Variants in MTUS2 observed in about 807,000 individuals in gnomAD.
MTUS2 encodes microtubule associated scaffold protein 2.
In MTUS2, 40 loss-of-function variants were observed where a neutral mutation model predicts 114.1. The ratio of observed to expected loss-of-function variants is 0.35; its 90% confidence interval spans 0.27 to 0.46. The LOEUF (loss-of-function observed/expected upper bound fraction) is 0.46. Ranked by LOEUF, MTUS2 falls within the 20% of genes least tolerant of loss-of-function variation. The probability of loss-of-function intolerance (pLI) is 1.00; values close to 1 mark genes in which losing one functional copy is unlikely to be tolerated. For synonymous variants in MTUS2, 688 were observed against 672.0 expected (o/e 1.02, Z -0.37); for missense variants, 1,679 against 1,705.4 (o/e 0.98, Z 0.27).
intron 2 of MTUS2, among the ~76,000 whole-genome samples, chr13:28,962,337 C>A (rs1353576151): frequency 1.3e-5 from 2 of 152,046 alleles, no homozygotes; most frequent in Non-Finnish European, 1.5e-5. Flanking sequence ...TTGATATTTC[C>A]CATATTATAA....
chr13:29,054,900 G>C (rs1888061611), intron 4 of MTUS2, among the ~76,000 whole-genome samples: 1 of 151,888 alleles, frequency 6.6e-6, no homozygotes, highest in Non-Finnish European at 1.5e-5. Flanking sequence ...ATACTCTTCT[G>C]TTGATTTTTG....
chr13:28,958,289 G>A (rs753910914), intron 2 of MTUS2, among the ~76,000 whole-genome samples: 2 of 152,184 alleles, frequency 1.3e-5, no homozygotes, highest in African/African-American at 4.8e-5. Context: ...TGTACTTGGC[G>A]TGGGCTGCCT....
intron 2 of MTUS2, among the ~76,000 whole-genome samples, chr13:28,925,478 T>C (rs143623235): frequency 1.6e-3 from 242 of 152,348 alleles, no homozygotes; most frequent in African/African-American, 5.3e-3. Context: ...TAGCTACTTT[T>C]AAGCAGTTTA....
intron 7 of MTUS2, among the ~76,000 whole-genome samples, chr13:29,350,643 C>T (rs571155566): frequency 2.0e-5 from 3 of 151,768 alleles, no homozygotes; most frequent in East Asian, 1.9e-4. Context: ...TGTTTTAGTC[C>T]GCTTGGGCTG....
intron 5 of MTUS2, among the ~76,000 whole-genome samples, chr13:29,107,672 C>T (rs138537869): frequency 1.4e-4 from 22 of 152,100 alleles, no homozygotes; most frequent in African/African-American, 5.3e-4. Flanking sequence ...TATCCAGTAA[C>T]CTATATATCT....
chr13:29,471,493 T>A (rs1880292764), intron 9 of MTUS2, among the ~76,000 whole-genome samples: 1 of 152,194 alleles, frequency 6.6e-6, no homozygotes, highest in Non-Finnish European at 1.5e-5. Flanking sequence ...GTTTATTGAC[T>A]GTTGGCCTGC....
At chr13:29,090,471 C>G (rs1475808253) in intron 4 of MTUS2, among the ~76,000 whole-genome samples, 2 of 152,068 alleles carry the variant, frequency 1.3e-5, no homozygotes, top group Non-Finnish European at 2.9e-5. Context: ...CGAGCCCACA[C>G]CAGTGGAGTG....
chr13:29,178,308 T>C (rs961766994), intron 5 of MTUS2, among the ~76,000 whole-genome samples: 5 of 152,200 alleles, frequency 3.3e-5, no homozygotes, highest in Non-Finnish European at 5.9e-5. Flanking sequence ...TACCCTACTT[T>C]CCCAAACGAC....
rs554987095 is a variant in MTUS2 at position 28,983,980 on chromosome 13, C to T, written c.-242-40477C>T. On this transcript the variant is annotated intron_variant, in intron 2 of 15. Coordinates refer to ENST00000612955, the MANE Select transcript of MTUS2 (RefSeq NM_001033602.4). The stretch of plus-strand genomic sequence containing the variant: ...TCTGGATTCTCTGTCTCTCCACTCT[C>T]TGCTTATGTGGCTTCTCACCCACTT... Among the ~76,000 whole-genome samples the T allele has an allele frequency of 3.9e-5, 6 of 152,368 alleles. No homozygotes were observed. The South Asian group carries it at 1.2e-3, about 32-fold the overall frequency.
At chr13:29,016,747 G>A (rs945693563) in intron 2 of MTUS2, among the ~76,000 whole-genome samples, 1 of 152,120 alleles carries the variant, frequency 6.6e-6, no homozygotes, top group African/African-American at 2.4e-5. Flanking sequence ...AATAAAATGC[G>A]ATATGCTACC....
Position 28,998,795 on chromosome 13 carries a change from AT to A in MTUS2, c.-242-25654del, listed in dbSNP as rs972331024. Among the ~76,000 whole-genome samples, 91 of 151,924 alleles carry A rather than the reference AT, an allele frequency of 6.0e-4. 1 individual carries two copies. Among genetic ancestry groups the A allele is most frequent in the African/African-American group, 2.1e-3 (86 of 41,424 alleles). On this transcript the variant is annotated intron_variant, in intron 2 of 15. Coordinates refer to ENST00000612955, the MANE Select transcript of MTUS2 (RefSeq NM_001033602.4). ...GTTATTCTAGTTATCTATTCGTCTA[AT>A]TTTTTTTCAAAGTTTTTAACTTCTT...
At chr13:28,912,508 C>T (rs1428120075) in intron 2 of MTUS2, among the ~76,000 whole-genome samples, 1 of 151,938 alleles carries the variant, frequency 6.6e-6, no homozygotes, top group Non-Finnish European at 1.5e-5. Flanking sequence ...TTTTTTGGTT[C>T]CACATGAATT....
intron 2 of MTUS2, among the ~76,000 whole-genome samples, chr13:28,957,574 C>G (rs948683324): frequency 1.3e-5 from 2 of 152,098 alleles, no homozygotes; most frequent in Non-Finnish European, 2.9e-5. Context: ...TTGGGTATTA[C>G]TAGTAATCTA....
In MTUS2 at chr13:29,025,197, C is replaced by A. The variant is rs1886463257; in HGVS notation, c.499C>A (p.Leu167Ile). 1 of 1,613,832 alleles carries A rather than the reference C, an allele frequency of 6.2e-7. No individual in the cohort carries two copies. The highest frequency in any genetic ancestry group is 8.5e-7 in the Non-Finnish European group (1 of 1,179,896). Residue 167 changes from leucine (L) to isoleucine (I), a missense_variant, in exon 3 of 16, where the codon CTT (leucine) becomes ATT (isoleucine). Physicochemically the swap from Leu to Ile is conservative, Grantham distance 5. Coordinates refer to ENST00000612955, the MANE Select transcript of MTUS2 (RefSeq NM_001033602.4). ...TCCCAAGGATAAACTGGCAAAGACC[C>A]TTGACAATGAGGAACTGAGGAGGCA... Reference protein sequence around the residue: ...HVPKDKLAKTLDNEELRRHSL... With the variant: ...HVPKDKLAKTIDNEELRRHSL...
intron 2 of MTUS2, among the ~76,000 whole-genome samples, chr13:28,913,295 C>G (rs910431839): frequency 5.9e-5 from 9 of 152,026 alleles, no homozygotes; most frequent in African/African-American, 1.9e-4. Context: ...CCTTCAATAC[C>G]TAGTTTATTG....
At position 29,317,640 on chromosome 13, in the gene MTUS2, T is replaced by G. The variant is rs1403263045; in HGVS notation, c.2807-6973T>G. 2.9e-3 allele frequency among the ~76,000 whole-genome samples: 39 copies of G among 13,606 alleles called. 11 individuals carry two copies. The highest frequency in any genetic ancestry group is 3.5e-3 in the African/African-American group (24 of 6,932). The allele number at this position is 13,606 out of a possible 152,430, so 8.9% of individuals were successfully genotyped here. A position where few individuals can be genotyped will look rare whatever the true frequency, so the allele number is the denominator to read the frequency against. Reference sequence around the variant, plus strand: ...TTTTTAGTAGAGACGGGGTTTCACCTTGTTAGCCAGGATGGTCTCCATCTC... The same window carrying G: ...TTTTTAGTAGAGACGGGGTTTCACCGTGTTAGCCAGGATGGTCTCCATCTC... On this transcript the variant is annotated intron_variant, in intron 6 of 15. Transcript: ENST00000612955.
intron 8 of MTUS2, among the ~76,000 whole-genome samples, chr13:29,362,514 CAAAAATAAA>C (rs6144975): frequency 0.63 from 94,533 of 150,976 alleles, 30,333 homozygotes; most frequent in South Asian, 0.74. Context: ...CCATCTCTAC[CAAAAATAAA>C]AAAAATTAAA....
At chr13:29,270,614 C>G (rs2139501119) in intron 5 of MTUS2, among the ~76,000 whole-genome samples, 1 of 152,338 alleles carries the variant, frequency 6.6e-6, no homozygotes, top group Middle Eastern at 3.4e-3. Context: ...TCATCTCTCC[C>G]TATGGGGAGG....
intron 8 of MTUS2, among the ~76,000 whole-genome samples, chr13:29,425,634 G>T (rs112121707): frequency 7.2e-5 from 11 of 152,210 alleles, no homozygotes; most frequent in African/African-American, 2.4e-4. Flanking sequence ...GAAGACCTTT[G>T]GTATTTACCT....
Sources: allele counts gnomAD v4.1 joint callset (sites outside exome capture counted in the v4.1 genomes callset), GRCh38; gene constraint gnomAD v4.1.1; transcripts MANE v1.5; gene names NCBI Gene and HGNC (gene_info 2026-07-23, HGNC 2026-07-21).